Variants in KLF12 observed in about 807,000 individuals in gnomAD.
KLF12 encodes Krueppel-like factor 12.
A neutral mutation model predicts 37.8 loss-of-function variants in KLF12; 9 were observed. That is an observed-to-expected ratio of 0.24 (90% CI 0.14 to 0.42). The LOEUF is 0.42. Among genes scored for constraint, KLF12 ranks in the 10% least tolerant of loss-of-function variants. KLF12 has a pLI of 1.00. For missense variants in KLF12, 411 were observed against 516.0 expected (o/e 0.80, Z 1.97); for synonymous variants, 208 against 202.1 (o/e 1.03, Z -0.25).
At chr13:73,845,312 T>C (rs2138681710) in intron 4 of KLF12, among the ~76,000 whole-genome samples, 1 of 152,366 alleles carries the variant, frequency 6.6e-6, no homozygotes, top group South Asian at 2.1e-4. Context: ...ATTATTTTAA[T>C]GGCAACTTAA....
chr13:74,126,289 C>A (rs1237935258), intron 1 of KLF12, among the ~76,000 whole-genome samples: 1 of 151,986 alleles, frequency 6.6e-6, no homozygotes, highest in South Asian at 2.1e-4. Context: ...AGATTTTGTA[C>A]GTTTTCTCCT....
intron 7 of KLF12, among the ~76,000 whole-genome samples, chr13:73,696,508 A>C (rs1874163229): frequency 6.6e-6 from 1 of 152,174 alleles, no homozygotes; most frequent in Non-Finnish European, 1.5e-5. Flanking sequence ...TAGTTGACCC[A>C]GGTGTGCCAT....
At chr13:73,837,738 A>G (rs966615579) in intron 4 of KLF12, among the ~76,000 whole-genome samples, 1 of 152,232 alleles carries the variant, frequency 6.6e-6, no homozygotes, top group Non-Finnish European at 1.5e-5. Flanking sequence ...AGTAAAGACC[A>G]TAAGTAACTT....
chr13:74,075,494 C>A (rs1874510553), intron 1 of KLF12, among the ~76,000 whole-genome samples: 1 of 152,188 alleles, frequency 6.6e-6, no homozygotes, highest in Non-Finnish European at 1.5e-5. Context: ...AAATTACAAT[C>A]TCTGGGGAGT....
intron 5 of KLF12, among the ~76,000 whole-genome samples, chr13:73,802,836 T>C (rs1183993698): frequency 6.6e-6 from 1 of 152,198 alleles, no homozygotes; most frequent in Non-Finnish European, 1.5e-5. Context: ...TTCCATGGGA[T>C]ATACAGGTAT....
At chr13:74,099,810 A>T (rs1274017625) in intron 1 of KLF12, among the ~76,000 whole-genome samples, 10 of 142,906 alleles carry the variant, frequency 7.0e-5, no homozygotes. Context: ...ATGATGCTTC[A>T]ACACAGGATA....
At chr13:73,865,332 G>A (rs774400239) in intron 3 of KLF12, among the ~76,000 whole-genome samples, 1 of 152,044 alleles carries the variant, frequency 6.6e-6, no homozygotes, top group Admixed American at 6.6e-5. Context: ...CGTAAAATGT[G>A]GAAAAAGAAA....
At chr13:74,154,359 T>A in the KLF12 span, among the ~76,000 whole-genome samples, 1 of 151,974 alleles carries the variant, frequency 6.6e-6, no homozygotes, top group Admixed American at 6.5e-5. Flanking sequence ...AGTATTTACA[T>A]CCCTAGACAA....
chr13:73,950,568 C>T (rs1890607217), intron 2 of KLF12, among the ~76,000 whole-genome samples: 3 of 152,318 alleles, frequency 2.0e-5, no homozygotes, highest in Middle Eastern at 6.8e-3. Flanking sequence ...AGGGCCTCTA[C>T]TTGCCCGTCA....
chr13:73,892,106 T>C (rs1566441738), intron 3 of KLF12, among the ~76,000 whole-genome samples: 1 of 152,056 alleles, frequency 6.6e-6, no homozygotes, highest in African/African-American at 2.4e-5. Flanking sequence ...TTTAATGGTA[T>C]TAACTTATGA....
intron 1 of KLF12, among the ~76,000 whole-genome samples, chr13:74,034,268 C>G (rs924658465): frequency 2.0e-5 from 3 of 151,986 alleles, no homozygotes; most frequent in Non-Finnish European, 4.4e-5. Context: ...GGGTTTTCGC[C>G]ATGTTGGCCA....
At chr13:73,862,222 T>C (rs1266214898) in intron 3 of KLF12, among the ~76,000 whole-genome samples, 1 of 152,146 alleles carries the variant, frequency 6.6e-6, no homozygotes, top group African/African-American at 2.4e-5. Context: ...GGCCCCAAAC[T>C]TGAATTAGTT....
At chr13:73,824,955 G>A (rs1051270565) in intron 4 of KLF12, among the ~76,000 whole-genome samples, 4 of 151,928 alleles carry the variant, frequency 2.6e-5, no homozygotes, top group Non-Finnish European at 4.4e-5. Context: ...TGTAATCCCC[G>A]CTATTTGGGA....
At chr13:74,015,429 T>C (rs577227155) in intron 1 of KLF12, among the ~76,000 whole-genome samples, 4 of 152,148 alleles carry the variant, frequency 2.6e-5, no homozygotes, top group Non-Finnish European at 5.9e-5. Flanking sequence ...CGAGTGCTTA[T>C]CACAGTGCCC....
intron 3 of KLF12, among the ~76,000 whole-genome samples, chr13:73,858,731 A>C (rs1363370259): frequency 6.6e-6 from 1 of 152,174 alleles, no homozygotes; most frequent in Non-Finnish European, 1.5e-5. Context: ...GATTTCCATC[A>C]CTTTTTAAAA....
chr13:73,906,803 T>C (rs1406335848), intron 3 of KLF12, among the ~76,000 whole-genome samples: 1 of 152,228 alleles, frequency 6.6e-6, no homozygotes, highest in Non-Finnish European at 1.5e-5. Context: ...CGAGGGGATT[T>C]CTGTCTGCTT....
intron 1 of KLF12, among the ~76,000 whole-genome samples, chr13:74,070,643 C>G (rs1333144043): frequency 6.6e-6 from 1 of 152,080 alleles, no homozygotes; most frequent in Non-Finnish European, 1.5e-5. Context: ...CATGAAGAAG[C>G]TGATAAGAGT....
At chr13:73,700,079 G>C (rs1337446132) in intron 7 of KLF12, among the ~76,000 whole-genome samples, 1 of 151,996 alleles carries the variant, frequency 6.6e-6, no homozygotes, top group African/African-American at 2.4e-5. Flanking sequence ...AGACCAGCTT[G>C]GGCAATATAG....
intron 1 of KLF12, among the ~76,000 whole-genome samples, chr13:74,061,901 T>G (rs1873615412): frequency 6.6e-6 from 1 of 152,190 alleles, no homozygotes; most frequent in Admixed American, 6.5e-5. Context: ...ACCATAAATT[T>G]TAAGAAGTAA....
Sources: allele counts gnomAD v4.1 joint callset (sites outside exome capture counted in the v4.1 genomes callset), GRCh38; gene constraint gnomAD v4.1.1; transcripts MANE v1.5; gene names NCBI Gene and HGNC (gene_info 2026-07-23, HGNC 2026-07-21).